The following KLHL1 variants were observed in gnomAD, a reference collection of about 807,000 sequenced individuals.
The protein encoded by KLHL1 is kelch-like protein 1.
A neutral mutation model predicts 77.7 loss-of-function variants in KLHL1; 47 were observed. The ratio of observed to expected loss-of-function variants is 0.60; its 90% CI spans 0.48 to 0.77. The LOEUF is 0.77. Ranked by LOEUF, KLHL1 falls within the 30% of genes least tolerant of loss-of-function variation. The pLI is 0.00. For missense variants in KLHL1, 925 were observed against 910.8 expected (o/e 1.02, Z -0.20); for synonymous variants, 360 against 325.2 (o/e 1.11, Z -1.15).
rs201313749 is a variant in KLHL1, at chr13:70,107,392, A to C, written c.308T>G (p.Leu103Arg). ...GCCCTGCCCAGGAGCCCCTTGCTGC[A>C]GCCTCGTGGCAACTGGAAGCAGGGT... ...NGTLLPVATR[L>R]QQGAPGQGTQ... is the part of the protein sequence containing the mutation. Residue 103 changes from leucine (L) to arginine (R), a missense_variant, in exon 1 of 11, where the codon CTG becomes CGG. Coordinates refer to ENST00000377844, the MANE Select transcript of KLHL1 (RefSeq NM_020866.3). 6.2e-7 allele frequency: 1 copy of C among 1,613,954 alleles called. No homozygotes were observed. The highest frequency in any genetic ancestry group is 2.2e-5 in the East Asian group (1 of 44,854).
At chr13:69,921,921 ATTTTTT>A (rs1197300551) in intron 4 of KLHL1, among the ~76,000 whole-genome samples, 21 of 122,634 alleles carry the variant, frequency 1.7e-4, no homozygotes, top group South Asian at 2.8e-4. Context: ...TGAATGATTG[ATTTTTT>A]TTTTTTTTTT....
intron 7 of KLHL1, among the ~76,000 whole-genome samples, chr13:69,741,240 T>C (rs982267090): frequency 1.3e-5 from 2 of 152,150 alleles, no homozygotes; most frequent in Admixed American, 1.3e-4. Flanking sequence ...TCTAGTAAAC[T>C]CACATCTTCA....
At chr13:69,841,868 G>A (rs1879274983) in intron 5 of KLHL1, among the ~76,000 whole-genome samples, 1 of 151,602 alleles carries the variant, frequency 6.6e-6, no homozygotes, top group South Asian at 2.1e-4. Context: ...AGAATAGAGA[G>A]GCCAGAAATA....
chr13:69,931,407 C>A (rs1339882595), intron 4 of KLHL1, among the ~76,000 whole-genome samples: 6 of 151,670 alleles, frequency 4.0e-5, no homozygotes, highest in Non-Finnish European at 8.9e-5. Flanking sequence ...TCACATTGCC[C>A]AAATTAACTT....
chr13:70,016,330 C>T (rs1885656940), intron 1 of KLHL1, among the ~76,000 whole-genome samples: 1 of 152,190 alleles, frequency 6.6e-6, no homozygotes, highest in African/African-American at 2.4e-5. Context: ...GGGTGGGAAT[C>T]CCACACTCCC....
chr13:69,935,190 A>T (rs1329207196), intron 4 of KLHL1, among the ~76,000 whole-genome samples: 1 of 66,300 alleles, frequency 1.5e-5, no homozygotes, highest in African/African-American at 5.5e-5. Context: ...CTACTGGTGA[A>T]CGTGGTACAT....
chr13:70,087,455 C>G lies in KLHL1; in HGVS notation c.497+19748G>C, dbSNP rs187630262. 2.0e-5 allele frequency among the ~76,000 whole-genome samples: 3 copies of G among 151,484 alleles called. No homozygotes were observed. In the East Asian group the frequency reaches 5.9e-4, roughly 30 times the overall value. ...TGTTACAACTATAATACGAACAATG[C>G]CTGAAGGATTAACAGGAGTTTCACA... On this transcript the variant is annotated intron_variant, in intron 1 of 10. Coordinates refer to ENST00000377844, the MANE Select transcript of KLHL1 (RefSeq NM_020866.3).
At chr13:69,852,647 AT>A (rs1260282667) in intron 5 of KLHL1, among the ~76,000 whole-genome samples, 1 of 151,968 alleles carries the variant, frequency 6.6e-6, no homozygotes, top group Non-Finnish European at 1.5e-5. Flanking sequence ...CTTTCTTCAG[AT>A]TTACTCTGAT....
At chr13:69,767,218 C>A (rs1260789235) in intron 7 of KLHL1, among the ~76,000 whole-genome samples, 1 of 151,932 alleles carries the variant, frequency 6.6e-6, no homozygotes. Flanking sequence ...GAATTATTTG[C>A]TTAAAGCAAA....
chr13:69,852,701 G>C (rs894772145), intron 5 of KLHL1, among the ~76,000 whole-genome samples: 1 of 151,912 alleles, frequency 6.6e-6, no homozygotes, highest in African/African-American at 2.4e-5. Context: ...AGTGAAATAA[G>C]TTCCTGTGAA....
intron 5 of KLHL1, among the ~76,000 whole-genome samples, chr13:69,864,373 A>T (rs1466568272): frequency 6.6e-6 from 1 of 152,000 alleles, no homozygotes; most frequent in Non-Finnish European, 1.5e-5. Flanking sequence ...TCACATTGAT[A>T]TATATGTACA....
At chr13:69,704,551 C>G (rs570636973) in intron 10 of KLHL1, among the ~76,000 whole-genome samples, 47 of 151,800 alleles carry the variant, frequency 3.1e-4, no homozygotes, top group African/African-American at 1.1e-3. Context: ...TTTGTCAGGC[C>G]TCATTCCACA....
chr13:69,841,557 A>G (rs1879261964), intron 5 of KLHL1, among the ~76,000 whole-genome samples: 1 of 151,890 alleles, frequency 6.6e-6, no homozygotes, highest in South Asian at 2.1e-4. Context: ...GAAATTGAAG[A>G]TAACACAAAC....
chr13:69,823,960 G>T (rs1344470188), intron 6 of KLHL1, among the ~76,000 whole-genome samples: 1 of 151,772 alleles, frequency 6.6e-6, no homozygotes, highest in Non-Finnish European at 1.5e-5. Context: ...TCACCTTTTG[G>T]TGTGTATATC....
intron 4 of KLHL1, among the ~76,000 whole-genome samples, chr13:69,912,118 G>A (rs2138245121): frequency 2.6e-5 from 4 of 152,226 alleles, no homozygotes; most frequent in Admixed American, 2.6e-4. Flanking sequence ...AAAATGAGGG[G>A]AGAAAGCTTT....
At chr13:69,955,955 T>TA (rs1883856868) in intron 3 of KLHL1, among the ~76,000 whole-genome samples, 1 of 131,392 alleles carries the variant, frequency 7.6e-6, no homozygotes, top group African/African-American at 2.9e-5. Context: ...TATATATATA[T>TA]TTGATATTTA....
intron 1 of KLHL1, among the ~76,000 whole-genome samples, chr13:70,016,244 T>C (rs1593676102): frequency 6.6e-6 from 1 of 152,228 alleles, no homozygotes; most frequent in East Asian, 1.9e-4. Flanking sequence ...ACACACCAGC[T>C]GCAGTGAGGG....
In KLHL1 at chr13:69,917,642, A is replaced by T. The variant is rs539943904; in HGVS notation, c.1014+22398T>A. On this transcript the variant is annotated intron_variant, in intron 4 of 10. Coordinates refer to ENST00000377844, the MANE Select transcript of KLHL1 (RefSeq NM_020866.3). The stretch of plus-strand genomic sequence containing the variant: ...ACAACTCACACACAAACACATGAGC[A>T]TATACACACATGCAAATGTACACAG... Among the ~76,000 whole-genome samples the T allele has an allele frequency of 2.0e-5, 3 of 152,284 alleles. No individual in the cohort carries two copies. In the South Asian group the frequency reaches 6.2e-4, roughly 32 times the overall value.
At chr13:69,752,008 A>G (rs980775768) in intron 7 of KLHL1, among the ~76,000 whole-genome samples, 3 of 152,140 alleles carry the variant, frequency 2.0e-5, no homozygotes, top group Non-Finnish European at 4.4e-5. Flanking sequence ...CCTTGGAATC[A>G]TTATTTAGCT....
Sources: allele counts gnomAD v4.1 joint callset (sites outside exome capture counted in the v4.1 genomes callset), GRCh38; gene constraint gnomAD v4.1.1; transcripts MANE v1.5; gene names NCBI Gene and HGNC (gene_info 2026-07-23, HGNC 2026-07-21).